The following OSBPL10 variants were observed in gnomAD, a reference collection of about 807,000 sequenced individuals.
OSBPL10 encodes the protein oxysterol-binding protein-related protein 10.
OSBPL10 carries 49 observed loss-of-function variants against 81.7 expected under a neutral mutation model. The observed-to-expected ratio is 0.60, with a 90% CI of 0.48 to 0.76. The LOEUF (loss-of-function observed/expected upper bound fraction) is 0.76, where lower values mean the gene tolerates loss of function less well. Among genes scored for constraint, OSBPL10 ranks in the 30% least tolerant of loss-of-function variants. The pLI, the probability that OSBPL10 is intolerant of heterozygous loss-of-function variation, is 0.00. For synonymous variants in OSBPL10, 419 were observed against 383.6 expected (o/e 1.09, Z -1.08); for missense variants, 923 against 987.8 (o/e 0.93, Z 0.88).
intron 1 of OSBPL10, among the ~76,000 whole-genome samples, chr3:32,058,113 A>G (rs1403622955): frequency 6.6e-6 from 1 of 152,246 alleles, no homozygotes; most frequent in Non-Finnish European, 1.5e-5. Context: ...GTTTTACCTC[A>G]TAAAAGAGAA....
chr3:31,929,768 T>C (rs1457553459), intron 1 of OSBPL10, among the ~76,000 whole-genome samples: 1 of 130,796 alleles, frequency 7.6e-6, no homozygotes, highest in African/African-American at 2.9e-5. Context: ...AAAAAGGAAA[T>C]AAAAATAAAG....
Position 31,747,915 on chromosome 3 carries a change from G to A in OSBPL10, c.935C>T (p.Ala312Val). 6.2e-7 allele frequency: 1 copy of A among 1,613,380 alleles called. No homozygotes were observed. The highest frequency in any genetic ancestry group is 8.5e-7 in the Non-Finnish European group (1 of 1,180,012). ...QAGQPSQKPG[A>V]SENILGWHGS... ...CAAGCCCCCGGGGGTCTTACCCGAG[G>A]CTCCTGGCTTCTGGCTGGGCTGGCC... Residue 312 changes from alanine to valine, a missense_variant, in exon 5 of 12, where the codon GCC becomes GTC. This residue lies in a region of OSBPL10 where 514 missense variants were observed against 508.0 expected (regional missense o/e 1.01). Transcript: ENST00000396556.
chr3:31,949,191 G>A (rs555633209), intron 1 of OSBPL10, among the ~76,000 whole-genome samples: 6 of 152,210 alleles, frequency 3.9e-5, no homozygotes, highest in East Asian at 3.9e-4. Flanking sequence ...TTCCTAAAAC[G>A]CACACACATA....
chr3:31,947,102 C>G (rs1347751868), intron 1 of OSBPL10, among the ~76,000 whole-genome samples: 1 of 152,154 alleles, frequency 6.6e-6, no homozygotes, highest in African/African-American at 2.4e-5. Flanking sequence ...CGAGACACAG[C>G]AGTAATCAGA....
At chr3:31,838,670 A>G (rs566072623) in intron 3 of OSBPL10, among the ~76,000 whole-genome samples, 1 of 152,132 alleles carries the variant, frequency 6.6e-6, no homozygotes, top group African/African-American at 2.4e-5. Flanking sequence ...GGTCCAAAAA[A>G]GTCACCACAA....
intron 3 of OSBPL10, among the ~76,000 whole-genome samples, chr3:31,851,779 C>G (rs1275289776): frequency 6.6e-6 from 1 of 152,140 alleles, no homozygotes; most frequent in East Asian, 1.9e-4. Flanking sequence ...AAGTTCAGAA[C>G]CCCCTCCATC....
chr3:32,007,301 A>T (rs1293945019), intron 2 of OSBPL10, among the ~76,000 whole-genome samples: 5 of 152,240 alleles, frequency 3.3e-5, no homozygotes, highest in African/African-American at 1.2e-4. Context: ...CTAAATGTTC[A>T]TCAGTAAAAG....
intron 1 of OSBPL10, among the ~76,000 whole-genome samples, chr3:31,896,219 TAGAGG>T (rs1359808659): frequency 2.0e-5 from 3 of 152,222 alleles, no homozygotes; most frequent in African/African-American, 7.2e-5. Flanking sequence ...TCACACTTTG[TAGAGG>T]AAAGAGTTAT....
chr3:32,027,663 T>C (rs998057487), intron 2 of OSBPL10, among the ~76,000 whole-genome samples: 1 of 152,172 alleles, frequency 6.6e-6, no homozygotes, highest in Non-Finnish European at 1.5e-5. Flanking sequence ...ACAGACAGGG[T>C]CTCACTATGT....
intron 1 of OSBPL10, among the ~76,000 whole-genome samples, chr3:31,911,119 A>G (rs1696563622): frequency 6.6e-6 from 1 of 152,190 alleles, no homozygotes; most frequent in Non-Finnish European, 1.5e-5. Context: ...GGGGAACTTA[A>G]AGAAGACACA....
chr3:31,817,387 A>G (rs9877405), intron 4 of OSBPL10, among the ~76,000 whole-genome samples: 106,407 of 152,106 alleles, frequency 0.7, 37,657 homozygotes, highest in East Asian at 0.93. Flanking sequence ...CAAGCCAGTA[A>G]GGGTACAAGG....
rs28678936 is a variant in OSBPL10, at chr3:31,837,065, A to G, written c.538-6834T>C. ...AATCTCATTCAAGACTCAACTCAGA[A>G]AACACCTGATTAGAGATTCAGCCCC... On this transcript the variant is annotated intron_variant, in intron 3 of 11. Coordinates refer to ENST00000396556, the MANE Select transcript of OSBPL10 (RefSeq NM_017784.5). Among the ~76,000 whole-genome samples the G allele has an allele frequency of 8.0e-3, 1,220 of 152,162 alleles. 20 individuals are homozygous for G. The highest frequency in any genetic ancestry group is 0.028 in the African/African-American group (1,161 of 41,506).
intron 2 of OSBPL10, among the ~76,000 whole-genome samples, chr3:32,027,239 C>T (rs1044657961): frequency 1.3e-5 from 2 of 152,048 alleles, no homozygotes; most frequent in African/African-American, 4.8e-5. Flanking sequence ...TCCATGTGTT[C>T]TCACTGTTCA....
chr3:32,020,617 G>T (rs1439148399), intron 2 of OSBPL10, among the ~76,000 whole-genome samples: 1 of 151,888 alleles, frequency 6.6e-6, no homozygotes, highest in African/African-American at 2.4e-5. Flanking sequence ...TCTTTGTGAT[G>T]GACATAAAAG....
At chr3:31,914,976 TC>T in intron 1 of OSBPL10, among the ~76,000 whole-genome samples, 1 of 152,236 alleles carries the variant, frequency 6.6e-6, no homozygotes, top group East Asian at 1.9e-4. Context: ...TTTTGTTTTT[TC>T]CCTTTGAGAC....
chr3:31,746,388 C>G (rs1396721708), intron 5 of OSBPL10, among the ~76,000 whole-genome samples: 1 of 152,024 alleles, frequency 6.6e-6, no homozygotes, highest in Admixed American at 6.6e-5. Context: ...ATGCTGCATG[C>G]CAATGGATCT....
At chr3:32,032,856 T>C (rs1699486122) in intron 2 of OSBPL10, among the ~76,000 whole-genome samples, 2 of 152,208 alleles carry the variant, frequency 1.3e-5, no homozygotes, top group Non-Finnish European at 2.9e-5. Flanking sequence ...TACTCTCAAA[T>C]GAACTCTCCA....
At chr3:31,677,669 T>C (rs1314667603) in intron 8 of OSBPL10, among the ~76,000 whole-genome samples, 1 of 152,034 alleles carries the variant, frequency 6.6e-6, no homozygotes. Flanking sequence ...CTGGGCTGGG[T>C]AAAGTGAATC....
At chr3:31,683,211 C>T (rs1051814150) in intron 8 of OSBPL10, among the ~76,000 whole-genome samples, 5 of 152,250 alleles carry the variant, frequency 3.3e-5, no homozygotes, top group East Asian at 1.9e-4. Flanking sequence ...GGAATTTTTA[C>T]GAGCAGATTT....
Sources: gnomAD v4.1 joint callset for allele counts (sites outside exome capture counted in the v4.1 genomes callset) on GRCh38, gnomAD v4.1.1 for gene constraint, gnomAD v4.1.1 regional missense constraint, MANE v1.5 for transcripts, NCBI Gene and HGNC (gene_info 2026-07-23, HGNC 2026-07-21) for gene names.